Variants in GALNT14 observed in about 807,000 individuals in gnomAD.
The protein encoded by GALNT14 is polypeptide N-acetylgalactosaminyltransferase 14, also known as UDP-GalNAc:polypeptide N-acetylgalactosaminyltransferase 14.
Under a neutral mutation model 77.5 loss-of-function variants are expected in GALNT14, and 60 were observed. The ratio of observed to expected loss-of-function variants is 0.77; its 90% CI spans 0.63 to 0.96. GALNT14 has a LOEUF of 0.96. Among genes scored for constraint, GALNT14 ranks in the 40% least tolerant of loss-of-function variants. The probability of loss-of-function intolerance (pLI) is 0.00; values close to 1 mark genes in which losing one functional copy is unlikely to be tolerated. For missense variants in GALNT14, 710 were observed against 731.0 expected (o/e 0.97, Z 0.33); for synonymous variants, 280 against 281.7 (o/e 0.99, Z 0.06).
chr2:30,966,018 A>G (rs1466567779), intron 3 of GALNT14, among the ~76,000 whole-genome samples, 186 bp downstream of exon 3: 2 of 152,154 alleles, frequency 1.3e-5, no homozygotes, highest in Non-Finnish European at 2.9e-5. Context: ...ATAAAATGGG[A>G]TAATAGCCTC....
chr2:30,917,277 G>C (rs1572961515), intron 13 of GALNT14, among the ~76,000 whole-genome samples: 1 of 152,034 alleles, frequency 6.6e-6, no homozygotes, highest in East Asian at 1.9e-4. Flanking sequence ...TCTATGGCTG[G>C]GTGAAGGAGT....
At chr2:31,129,637 A>G (rs1225033846) in intron 1 of GALNT14, 20 of 985,364 alleles carry the variant, frequency 2.0e-5, no homozygotes, top group Non-Finnish European at 3.6e-6. Flanking sequence ...CCATCAAGGA[A>G]TCTGGCATCT....
At position 31,072,857 on chromosome 2, in the gene GALNT14, A is replaced by G. The variant is rs201783144; in HGVS notation, c.129+65101T>C. Among the ~76,000 whole-genome samples, 11 of 152,268 alleles carry G rather than the reference A, an allele frequency of 7.2e-5. No homozygotes were observed. In the East Asian group the frequency reaches 7.7e-4, roughly 11 times the overall value. ...CTTGCTCTGGGCTTGCTGATTGTCT[A>G]CTTGTGCCTTCTTTGAGCCCTGCAT... On this transcript the variant is annotated intron_variant, in intron 1 of 14. Transcript: ENST00000349752.
chr2:30,916,976 C>T (rs1184086030), intron 13 of GALNT14, among the ~76,000 whole-genome samples: 2 of 143,852 alleles, frequency 1.4e-5, no homozygotes, highest in Admixed American at 7.4e-5. Context: ...ACTCAGGAGG[C>T]TGAAGAAGGA....
At chr2:31,085,727 G>T (rs1428161135) in intron 1 of GALNT14, among the ~76,000 whole-genome samples, 2 of 152,174 alleles carry the variant, frequency 1.3e-5, no homozygotes, top group Non-Finnish European at 2.9e-5. Context: ...TTGAACTGAT[G>T]ATCAGTTATT....
rs567772037 is a variant in GALNT14 at position 31,112,729 on chromosome 2, C to G, written c.129+25229G>C. On this transcript the variant is annotated intron_variant, in intron 1 of 14. Transcript: ENST00000349752. The stretch of plus-strand genomic sequence containing the variant: ...ACTATCATTGTCATGGGCCCACAGT[C>G]CCCTGCAGCCTGCCCTGACGTCACT... 8.5e-4 allele frequency among the ~76,000 whole-genome samples: 130 copies of G among 152,300 alleles called. 3 individuals carry two copies. The highest frequency in any genetic ancestry group is 8.4e-3 in the Admixed American group (129 of 15,304).
chr2:30,924,012 T>C, intron 13 of GALNT14, 107 bp downstream of exon 13: 1 of 1,246,350 alleles, frequency 8.0e-7, no homozygotes, highest in South Asian at 1.3e-5. Flanking sequence ...TCTCTGGGAA[T>C]AAATGGGCAT....
chr2:31,101,989 C>T (rs2148614583), intron 1 of GALNT14, among the ~76,000 whole-genome samples: 1 of 152,206 alleles, frequency 6.6e-6, no homozygotes, highest in Middle Eastern at 3.4e-3. Context: ...TTTGCTTCCC[C>T]TTCCCCCAAG....
intron 1 of GALNT14, among the ~76,000 whole-genome samples, chr2:31,087,270 A>T (rs1377409453): frequency 1.3e-5 from 2 of 152,224 alleles, no homozygotes; most frequent in Non-Finnish European, 2.9e-5. Context: ...GGGGAAAAAC[A>T]GCAATTCTGT....
chr2:30,922,163 T>C (rs1177595759), intron 13 of GALNT14, among the ~76,000 whole-genome samples: 1 of 152,098 alleles, frequency 6.6e-6, no homozygotes, highest in Admixed American at 6.5e-5. Flanking sequence ...CATGGCTATC[T>C]GTTGTCTTGA....
intron 1 of GALNT14, among the ~76,000 whole-genome samples, chr2:31,048,534 T>G (rs1000018333): frequency 6.6e-6 from 1 of 152,028 alleles, no homozygotes; most frequent in Non-Finnish European, 1.5e-5. Context: ...GGATAGATTC[T>G]TGGGAGCAAA....
At chr2:30,932,406 A>C (rs976811388) in intron 9 of GALNT14, among the ~76,000 whole-genome samples, 3 of 152,242 alleles carry the variant, frequency 2.0e-5, no homozygotes, top group Admixed American at 6.5e-5. Flanking sequence ...GTGAGCAGGG[A>C]AACAGTGCAA....
At chr2:30,984,821 T>C (rs1669195930) in intron 2 of GALNT14, among the ~76,000 whole-genome samples, 1 of 152,180 alleles carries the variant, frequency 6.6e-6, no homozygotes, top group African/African-American at 2.4e-5. Flanking sequence ...TAATGCTATT[T>C]TGTCTTTTTC....
intron 13 of GALNT14, among the ~76,000 whole-genome samples, chr2:30,916,875 G>A (rs1335081722): frequency 1.3e-5 from 2 of 151,900 alleles, no homozygotes; most frequent in African/African-American, 4.8e-5. Flanking sequence ...TCAGGAGTTT[G>A]AGACCAGCCT....
At chr2:31,125,136 G>A (rs1020994658) in intron 1 of GALNT14, 6 of 1,524,576 alleles carry the variant, frequency 3.9e-6, no homozygotes, top group Middle Eastern at 1.8e-4. Flanking sequence ...CACTCCTGGG[G>A]ACACACAGTC....
chr2:30,986,173 C>T (rs1017813737), intron 2 of GALNT14, among the ~76,000 whole-genome samples: 1 of 152,194 alleles, frequency 6.6e-6, no homozygotes, highest in African/African-American at 2.4e-5. Context: ...AGCCATTTAG[C>T]ACCGCACTGG....
At chr2:31,011,090 T>C (rs1670998689) in intron 1 of GALNT14, among the ~76,000 whole-genome samples, 1 of 152,082 alleles carries the variant, frequency 6.6e-6, no homozygotes, top group African/African-American at 2.4e-5. Context: ...ATAGGGAGGG[T>C]GGACACCCAC....
chr2:30,927,179 T>C (rs1481448563), intron 11 of GALNT14, among the ~76,000 whole-genome samples: 1 of 152,114 alleles, frequency 6.6e-6, no homozygotes, highest in Non-Finnish European at 1.5e-5. Context: ...GTGGGGTCTT[T>C]AGAAAAATTC....
intron 1 of GALNT14, among the ~76,000 whole-genome samples, chr2:31,116,578 C>T (rs757286565): frequency 2.0e-5 from 3 of 151,852 alleles, no homozygotes; most frequent in Admixed American, 6.6e-5. Context: ...ATTATAAAGC[C>T]AAAACTCTTG....
Sources: allele counts gnomAD v4.1 joint callset (sites outside exome capture counted in the v4.1 genomes callset), GRCh38; gene constraint gnomAD v4.1.1; transcripts MANE v1.5; gene names NCBI Gene and HGNC (gene_info 2026-07-23, HGNC 2026-07-21).